AKAP9: variants seen among roughly 807,000 people sequenced by gnomAD.
The protein encoded by AKAP9 is A-kinase anchor protein 9.
Under a neutral mutation model 488.5 loss-of-function variants are expected in AKAP9, and 311 were observed. The observed-to-expected ratio is 0.64, with a 90% CI of 0.58 to 0.70. AKAP9 has a LOEUF of 0.70. Ranked by LOEUF, AKAP9 falls within the 30% of genes least tolerant of loss-of-function variation. The probability of loss-of-function intolerance (pLI) is 0.00; values close to 1 mark genes in which losing one functional copy is unlikely to be tolerated. For synonymous variants in AKAP9, 1,462 were observed against 1,483.5 expected (o/e 0.99, Z 0.33); for missense variants, 4,215 against 4,374.5 (o/e 0.96, Z 1.03).
chr7:91,941,086 TC>T lies in AKAP9; in HGVS notation c.-12del. On this transcript the variant is annotated 5_prime_UTR_variant, in exon 1 of 50. Coordinates refer to ENST00000356239, the MANE Select transcript of AKAP9 (RefSeq NM_005751.5). ...CCTCAACCCCTGTTTTCCCCTGCCTTCCTTGCAGAGGCCATGGAGGACGAGG... is the reference window on the plus strand; with the variant it reads ...CCTCAACCCCTGTTTTCCCCTGCCTTCTTGCAGAGGCCATGGAGGACGAGG... The T allele has an allele frequency of 6.2e-7, 1 of 1,613,404 alleles. No individual in the cohort carries two copies. The highest frequency in any genetic ancestry group is 8.5e-7 in the Non-Finnish European group (1 of 1,179,332).
rs878854810 is a variant in AKAP9 at position 92,082,554 on chromosome 7, A to G, written c.8052A>G (p.Glu2684=). The part of the protein sequence containing the change: ...TTTELFHSNE[E]SGFFNELEAL... ...CTGAGCTATTTCATAGCAATGAAGA[A>G]AGTGGATTTTTTAATGAACTCGAGG... The change falls in exon 32 of 50, where the codon GAA becomes GAG. Residue 2684 remains glutamate, a synonymous_variant. Coordinates refer to ENST00000356239, the MANE Select transcript of AKAP9 (RefSeq NM_005751.5). The G allele has an allele frequency of 6.2e-6, 10 of 1,613,942 alleles. No individual in the cohort carries two copies. Among genetic ancestry groups the G allele is most frequent in the Middle Eastern group, 1.7e-4 (1 of 6,058 alleles).
At position 92,042,064 on chromosome 7, in the gene AKAP9, G is replaced by A. The variant is rs753713891; in HGVS notation, c.4936G>A (p.Glu1646Lys). The change falls in exon 19 of 50, where the codon GAA (glutamate) becomes AAA (lysine). Residue 1646 changes from glutamate to lysine, a missense_variant. By Grantham distance (56) the Glu-to-Lys change is moderately conservative. This residue lies in a region of AKAP9 where 2,361 missense variants were observed against 2,430.0 expected (regional missense o/e 0.97). Coordinates refer to ENST00000356239, the MANE Select transcript of AKAP9 (RefSeq NM_005751.5). ...QLAQRSSIDN[E>K]NLVSERERVL... ...TATTTAGAGATCCTCCATAGATAAT[G>A]AAAACCTGGTTTCAGAGAGAGAGAG... 1 of 1,613,784 alleles carries A rather than the reference G, an allele frequency of 6.2e-7. No homozygotes were observed. The highest frequency in any genetic ancestry group is 8.5e-7 in the Non-Finnish European group (1 of 1,179,874).
At chr7:91,994,048 C>T (rs1046427734) in intron 5 of AKAP9, among the ~76,000 whole-genome samples, 2 of 152,072 alleles carry the variant, frequency 1.3e-5, no homozygotes, top group Non-Finnish European at 2.9e-5. Flanking sequence ...AAGATCACTG[C>T]AGCCCAGGAG....
intron 9 of AKAP9, 52 bp downstream of exon 9, chr7:92,012,694 G>C: frequency 7.1e-7 from 1 of 1,413,932 alleles, no homozygotes; most frequent in Non-Finnish European, 9.9e-7. Context: ...GTATTGGATA[G>C]AGCCCACCAT....
At chr7:91,991,040 A>T (rs1797682590) in intron 3 of AKAP9, among the ~76,000 whole-genome samples, 1 of 152,172 alleles carries the variant, frequency 6.6e-6, no homozygotes, top group African/African-American at 2.4e-5. Flanking sequence ...TGTCTACCTT[A>T]TCAGATCAAA....
At chr7:91,968,330 C>T (rs962575601) in intron 1 of AKAP9, among the ~76,000 whole-genome samples, 1 of 152,040 alleles carries the variant, frequency 6.6e-6, no homozygotes, top group Non-Finnish European at 1.5e-5. Flanking sequence ...TTGGTAGGTT[C>T]TATGTGTCCA....
intron 14 of AKAP9, among the ~76,000 whole-genome samples, chr7:92,028,125 A>G (rs1374991935): frequency 3.3e-5 from 5 of 151,912 alleles, no homozygotes; most frequent in African/African-American, 4.8e-5. Flanking sequence ...CCACTCCCTA[A>G]TCTCAAGTAC....
intron 46 of AKAP9, among the ~76,000 whole-genome samples, chr7:92,104,802 G>A (rs1294193205): frequency 2.0e-5 from 3 of 152,092 alleles, no homozygotes; most frequent in Non-Finnish European, 2.9e-5. Flanking sequence ...AGTAAACCAG[G>A]GTAAGTGCTG....
At position 92,076,867 on chromosome 7, in the gene AKAP9, G is replaced by T; in HGVS notation, c.6625G>T (p.Glu2209Ter). Residue 2209 changes from glutamate (E) to a stop codon, truncating the protein, a stop_gained, in exon 29 of 50, where the codon GAA becomes TAA. Transcript: ENST00000356239. LOFTEE classifies it high-confidence loss of function. ...TTTGTTATTAAAGATTACAAACTTA[G>T]AAGAGCAATTAGAACAGTTTAGAGA... ...DRKEKEITNL[E>*]EQLEQFREEL... 6.8e-7 allele frequency: 1 copy of T among 1,463,006 alleles called. No homozygotes were observed. The highest frequency in any genetic ancestry group is 9.4e-7 in the Non-Finnish European group (1 of 1,065,434). 90.6% of individuals were successfully genotyped at this position (1,463,006 alleles called of 1,614,324 possible).
In AKAP9 at chr7:92,083,655, G is replaced by A. The variant is rs1813990317; in HGVS notation, c.8646G>A (p.Glu2882=). Residue 2882 remains glutamate, a splice_region_variant and synonymous_variant, in exon 33 of 50, where the codon GAG becomes GAA. Coordinates refer to ENST00000356239, the MANE Select transcript of AKAP9 (RefSeq NM_005751.5). The stretch of plus-strand genomic sequence containing the variant: ...TGATACAGTGTCTGAGAAGTAAAGA[G>A]GTATTTGGTTTTTATAATATGTGTT... ...KAVIQCLRSK[E]GSSIPELAHS... 1.2e-6 allele frequency: 2 copies of A among 1,610,436 alleles called. No individual in the cohort carries two copies. The highest frequency in any genetic ancestry group is 1.7e-5 in the Admixed American group (1 of 59,520).
intron 47 of AKAP9, 125 bp downstream of exon 47, chr7:92,105,888 G>A (rs1226272826): frequency 2.3e-6 from 2 of 855,738 alleles, no homozygotes; most frequent in East Asian, 5.2e-5. Context: ...CAGCAGGTGA[G>A]CAGCGGGCAT....
rs1346719880 is a variant in AKAP9, at chr7:92,000,991, A to T, written c.1074A>T (p.Leu358Phe). The change falls in exon 8 of 50, where the codon TTA becomes TTT. Residue 358 changes from leucine (L) to phenylalanine (F), a missense_variant. By Grantham distance (22) the Leu-to-Phe change is conservative. Around this residue, in one of 5 missense-constraint regions of AKAP9, gnomAD observed 2,361 missense variants for 2,430.0 expected, o/e 0.97. Transcript: ENST00000356239. The part of the protein sequence containing the change: ...LKDKLTTADK[L>F]LGELQEQIVQ... ...ATAAATTAACAACTGCTGATAAATT[A>T]CTAGGAGAATTACAAGAACAGATTG... 5 of 1,544,216 alleles carry T rather than the reference A, an allele frequency of 3.2e-6. No homozygotes were observed. Among genetic ancestry groups the T allele is most frequent in the Non-Finnish European group, 4.4e-6 (5 of 1,146,254 alleles).
At chr7:92,007,070 A>G (rs1799966949) in intron 8 of AKAP9, among the ~76,000 whole-genome samples, 1 of 152,140 alleles carries the variant, frequency 6.6e-6, no homozygotes, top group African/African-American at 2.4e-5. Context: ...AATAAAGCCC[A>G]CTTACCAAGA....
intron 16 of AKAP9, among the ~76,000 whole-genome samples, chr7:92,033,446 T>TC (rs1360630998): frequency 2.1e-5 from 3 of 144,362 alleles, no homozygotes; most frequent in African/African-American, 2.6e-5. Flanking sequence ...TCTTTTCTTT[T>TC]TTTTTTTTTT....
At chr7:91,954,897 T>G (rs1362703395) in intron 1 of AKAP9, among the ~76,000 whole-genome samples, 2 of 152,226 alleles carry the variant, frequency 1.3e-5, no homozygotes, top group African/African-American at 4.8e-5. Context: ...ATAGGGATGA[T>G]TCAATGCCAG....
chr7:92,072,915 TA>T (rs1811952148), intron 28 of AKAP9, among the ~76,000 whole-genome samples: 1 of 152,178 alleles, frequency 6.6e-6, no homozygotes, highest in Non-Finnish European at 1.5e-5. Flanking sequence ...AACTGAGCCT[TA>T]AGGGAAGTTA....
Position 91,941,082 on chromosome 7 carries a change from G to A in AKAP9, c.-18G>A. 2 of 1,613,100 alleles carry A rather than the reference G, an allele frequency of 1.2e-6. No individual in the cohort carries two copies. Among genetic ancestry groups the A allele is most frequent in the Non-Finnish European group, 8.5e-7 (1 of 1,179,076 alleles). ...CACCCCTCAACCCCTGTTTTCCCCT[G>A]CCTTCCTTGCAGAGGCCATGGAGGA... On this transcript the variant is annotated 5_prime_UTR_variant, in exon 1 of 50. Coordinates refer to ENST00000356239, the MANE Select transcript of AKAP9 (RefSeq NM_005751.5).
Position 92,089,511 on chromosome 7 carries a change from AG to A in AKAP9, c.9341del (p.Ser3114MetfsTer30). 6.2e-7 allele frequency: 1 copy of A among 1,613,420 alleles called. No individual in the cohort carries two copies. The highest frequency in any genetic ancestry group is 8.5e-7 in the Non-Finnish European group (1 of 1,179,598). ...AATTACTCTGAAAAGAGAACAAGAGAGTGAGAAACCAAGCCAAGGTATGTTG... is the reference window on the plus strand; with the variant it reads ...AATTACTCTGAAAAGAGAACAAGAGATGAGAAACCAAGCCAAGGTATGTTG... ...RKITLKREQE[S>X]EKPSQELLEY... On this transcript the variant is annotated frameshift_variant, in exon 38 of 50. Coordinates refer to ENST00000356239, the MANE Select transcript of AKAP9 (RefSeq NM_005751.5). LOFTEE classifies it high-confidence loss of function.
At chr7:92,102,442 TTACTATTACTACTACTAC>T (rs953187689) in intron 45 of AKAP9, 134 bp from the exon 46 acceptor site, 49 of 554,284 alleles carry the variant, frequency 8.8e-5, no homozygotes, top group East Asian at 2.5e-4. Context: ...ACCTGCCGTT[TTACTATTACTACTACTAC>T]TACTACTACT....
Sources: gnomAD v4.1 joint callset for allele counts (sites outside exome capture counted in the v4.1 genomes callset) on GRCh38, gnomAD v4.1.1 for gene constraint, gnomAD v4.1.1 regional missense constraint, MANE v1.5 for transcripts, NCBI Gene and HGNC (gene_info 2026-07-23, HGNC 2026-07-21) for gene names.